The following DYRK1A variants were observed in gnomAD, a reference collection of about 807,000 sequenced individuals.
DYRK1A encodes the protein dual specificity tyrosine phosphorylation regulated kinase 1A.
DYRK1A carries 9 observed loss-of-function variants against 79.7 expected under a neutral mutation model. The ratio of observed to expected loss-of-function variants is 0.11; its 90% confidence interval spans 0.07 to 0.20. The LOEUF (loss-of-function observed/expected upper bound fraction) is 0.20, where lower values mean the gene tolerates loss of function less well. DYRK1A is among the 10% of genes least tolerant of loss of function. DYRK1A has a pLI of 1.00. For missense variants in DYRK1A, 622 were observed against 956.0 expected (o/e 0.65, Z 4.61); for synonymous variants, 349 against 329.7 (o/e 1.06, Z -0.63).
chr21:37,506,032 G>T, intron 10 of DYRK1A, 67 bp from the exon 11 acceptor site: 4 of 1,532,762 alleles, frequency 2.6e-6, no homozygotes, highest in South Asian at 1.2e-5. Context: ...TATAGCTTCA[G>T]AGTATAAATT....
chr21:37,508,983 C>T (rs534604286), intron 11 of DYRK1A, among the ~76,000 whole-genome samples: 18 of 152,306 alleles, frequency 1.2e-4, no homozygotes, highest in East Asian at 3.9e-4. Flanking sequence ...CATAAGACAC[C>T]GCGTTCTTCC....
In DYRK1A at chr21:37,517,990, C is replaced by T. The variant is rs1040403997; in HGVS notation, c.*5459C>T. 13 of 152,120 alleles carry T rather than the reference C, an allele frequency of 8.5e-5. No individual in the cohort carries two copies. Among genetic ancestry groups the T allele is most frequent in the African/African-American group, 3.1e-4 (13 of 41,396 alleles). 9.4% of individuals were successfully genotyped at this position (152,120 alleles called of 1,614,324 possible). A position where few individuals can be genotyped will look rare whatever the true frequency, so the allele number is the denominator to read the frequency against. Reference sequence around the variant, plus strand: ...CTCACTGCAGCCTTAAACAACTGGGCTAGGTGATCCTCCCATCTCAGCCTC... The same window carrying T: ...CTCACTGCAGCCTTAAACAACTGGGTTAGGTGATCCTCCCATCTCAGCCTC... On this transcript the variant is annotated 3_prime_UTR_variant, in exon 12 of 12. Transcript: ENST00000647188.
chr21:37,429,981 ATAG>A (rs2050732869), intron 2 of DYRK1A, among the ~76,000 whole-genome samples: 1 of 152,214 alleles, frequency 6.6e-6, no homozygotes, highest in Non-Finnish European at 1.5e-5. Context: ...ATGAAACCAG[ATAG>A]CTCTCAGTGC....
intron 2 of DYRK1A, among the ~76,000 whole-genome samples, chr21:37,448,280 A>C (rs2051334414): frequency 6.6e-6 from 1 of 152,198 alleles, no homozygotes; most frequent in African/African-American, 2.4e-5. Flanking sequence ...TATGACAAGT[A>C]TTAAAGCACT....
chr21:37,436,012 T>A (rs1298213447), intron 2 of DYRK1A, among the ~76,000 whole-genome samples: 1 of 152,102 alleles, frequency 6.6e-6, no homozygotes, highest in Non-Finnish European at 1.5e-5. Context: ...CAGTTCTTTG[T>A]TTAAGGAACA....
chr21:37,390,408 T>G (rs2049847959), intron 1 of DYRK1A, among the ~76,000 whole-genome samples: 1 of 152,194 alleles, frequency 6.6e-6, no homozygotes, highest in Non-Finnish European at 1.5e-5. Flanking sequence ...GGGCATTCTC[T>G]TACATAACAG....
chr21:37,390,009 G>A (rs2049840858), intron 1 of DYRK1A, among the ~76,000 whole-genome samples: 1 of 151,554 alleles, frequency 6.6e-6, no homozygotes, highest in Admixed American at 6.6e-5. Context: ...CTGCAGCCTG[G>A]AACTCCTGGG....
At chr21:37,485,001 G>A (rs1248697028) in intron 5 of DYRK1A, among the ~76,000 whole-genome samples, 1 of 152,134 alleles carries the variant, frequency 6.6e-6, no homozygotes, top group Non-Finnish European at 1.5e-5. Flanking sequence ...TGTCAAATAA[G>A]GGATTTCTCC....
chr21:37,376,563 G>C (rs1447804607), intron 1 of DYRK1A, among the ~76,000 whole-genome samples: 1 of 152,162 alleles, frequency 6.6e-6, no homozygotes, highest in Non-Finnish European at 1.5e-5. Flanking sequence ...GTTCATGTGA[G>C]TATTCTCTGG....
chr21:37,454,109 T>G (rs1009533084), intron 2 of DYRK1A, among the ~76,000 whole-genome samples: 1 of 124,520 alleles, frequency 8.0e-6, no homozygotes, highest in South Asian at 2.6e-4. Flanking sequence ...TTTTTTTTTT[T>G]TGAGACAAGG....
rs1373284994 is a variant in DYRK1A at position 37,519,184 on chromosome 21, A to G, written c.*6653A>G. 6.6e-6 allele frequency: 1 copy of G among 152,170 alleles called. No individual in the cohort carries two copies. Among genetic ancestry groups the G allele is most frequent in the Non-Finnish European group, 1.5e-5 (1 of 68,030 alleles). 9.4% of individuals were successfully genotyped at this position (152,170 alleles called of 1,614,324 possible). On this transcript the variant is annotated 3_prime_UTR_variant, in exon 12 of 12. Coordinates refer to ENST00000647188, the MANE Select transcript of DYRK1A (RefSeq NM_001347721.2). ...GTTATTTCCCAACAGTGGGAATGGA[A>G]TTAGTTCCTTTATATCTCAGTCTCA... is the stretch of plus-strand genomic sequence containing the variant.
rs2053945069 is a variant in DYRK1A, at chr21:37,523,038, A to G, written c.*10507A>G. 6.6e-6 allele frequency: 1 copy of G among 152,212 alleles called. No homozygotes were observed. Among genetic ancestry groups the G allele is most frequent in the Non-Finnish European group, 1.5e-5 (1 of 68,124 alleles). 9.4% of individuals were successfully genotyped at this position (152,212 alleles called of 1,614,324 possible). ...AGTCTTCATAGATTAGTCTTCATCA[A>G]TTCTTAGTATTATTTTTTAGGGATA... On this transcript the variant is annotated 3_prime_UTR_variant, in exon 12 of 12. Transcript: ENST00000647188.
intron 8 of DYRK1A, 98 bp downstream of exon 8, chr21:37,493,261 T>C: frequency 8.3e-7 from 1 of 1,203,156 alleles, no homozygotes; most frequent in South Asian, 1.6e-5. Flanking sequence ...GGCAAAGATG[T>C]CTACTTAATC....
At chr21:37,416,337 T>TTTTTTTTA (rs964749412) in intron 1 of DYRK1A, among the ~76,000 whole-genome samples, 3 of 148,362 alleles carry the variant, frequency 2.0e-5, no homozygotes, top group South Asian at 2.1e-4. Context: ...TTTTTTTTTT[T>TTTTTTTTA]AAAGACTGTG....
intron 2 of DYRK1A, among the ~76,000 whole-genome samples, chr21:37,444,142 A>ATCAT (rs1362540094): frequency 2.0e-4 from 31 of 152,196 alleles, no homozygotes; most frequent in Admixed American, 2.0e-3. Context: ...TAGAAGGTTT[A>ATCAT]TCAGATTGTA....
intron 2 of DYRK1A, among the ~76,000 whole-genome samples, chr21:37,454,642 A>G (rs1601141958): frequency 6.6e-6 from 1 of 152,204 alleles, no homozygotes; most frequent in East Asian, 1.9e-4. Flanking sequence ...CTATTGGGTT[A>G]ATGGAAAACA....
At position 37,513,766 on chromosome 21, in the gene DYRK1A, A is replaced by G. The variant is rs1242757987; in HGVS notation, c.*1235A>G. The G allele has an allele frequency of 6.6e-6, 1 of 152,512 alleles. No individual in the cohort carries two copies. Among genetic ancestry groups the G allele is most frequent in the East Asian group, 1.9e-4 (1 of 5,200 alleles). The allele number at this position is 152,512 out of a possible 1,614,324, so 9.4% of individuals were successfully genotyped here. A position where few individuals can be genotyped will look rare whatever the true frequency, so the allele number is the denominator to read the frequency against. ...TTTTATGTGACTGCTTTTTTGCCTCACAATTATGCTGTGAATTTTACAAAA... is the reference window on the plus strand; with the variant it reads ...TTTTATGTGACTGCTTTTTTGCCTCGCAATTATGCTGTGAATTTTACAAAA... On this transcript the variant is annotated 3_prime_UTR_variant, in exon 12 of 12. Coordinates refer to ENST00000647188, the MANE Select transcript of DYRK1A (RefSeq NM_001347721.2).
At chr21:37,382,217 TTA>T (rs2049671627) in intron 1 of DYRK1A, among the ~76,000 whole-genome samples, 1 of 151,512 alleles carries the variant, frequency 6.6e-6, no homozygotes. Context: ...CTTTTTTTTT[TTA>T]AAAAAAAAAA....
At chr21:37,505,025 G>C (rs1451134857) in intron 9 of DYRK1A, 1 of 375,884 alleles carries the variant, frequency 2.7e-6, no homozygotes, top group East Asian at 4.4e-5. Flanking sequence ...AGAAAACCAG[G>C]CTCTGGATCA....
Sources: allele counts gnomAD v4.1 joint callset (sites outside exome capture counted in the v4.1 genomes callset), GRCh38; gene constraint gnomAD v4.1.1; transcripts MANE v1.5; gene names NCBI Gene and HGNC (gene_info 2026-07-23, HGNC 2026-07-21).